The following GAB2 variants were observed in gnomAD, a reference collection of about 807,000 sequenced individuals.
GAB2 encodes GRB2-associated-binding protein 2.
A neutral mutation model predicts 65.5 loss-of-function variants in GAB2; 26 were observed. The ratio of observed to expected loss-of-function variants is 0.40; its 90% CI spans 0.29 to 0.55. The LOEUF is 0.55. GAB2 is among the 20% of genes least tolerant of loss of function. The pLI is 0.53. For missense variants in GAB2, 884 were observed against 875.8 expected (o/e 1.01, Z -0.12); for synonymous variants, 321 against 329.6 (o/e 0.97, Z 0.28).
At chr11:78,289,383 G>A (rs988905809) in intron 1 of GAB2, among the ~76,000 whole-genome samples, 3 of 152,240 alleles carry the variant, frequency 2.0e-5, no homozygotes, top group South Asian at 4.1e-4. Flanking sequence ...GGACTTAAAC[G>A]TAAAATGTAA....
intron 2 of GAB2, among the ~76,000 whole-genome samples, chr11:78,278,336 T>C (rs1183488263): frequency 6.6e-6 from 1 of 151,324 alleles, no homozygotes; most frequent in South Asian, 2.1e-4. Flanking sequence ...TCCCAAAGTG[T>C]TGGGCTTACA....
At chr11:78,332,578 G>A (rs1276792353) in intron 1 of GAB2, among the ~76,000 whole-genome samples, 2 of 152,178 alleles carry the variant, frequency 1.3e-5, no homozygotes, top group Non-Finnish European at 2.9e-5. Context: ...CTATGTTTAA[G>A]TGAATTTTGG....
At chr11:78,399,559 C>G (rs1292673257) in intron 1 of GAB2, among the ~76,000 whole-genome samples, 1 of 152,184 alleles carries the variant, frequency 6.6e-6, no homozygotes, top group African/African-American at 2.4e-5. Flanking sequence ...ATGAGACTGG[C>G]AGATCCTTGA....
chr11:78,229,510 C>T (rs1864777407), intron 3 of GAB2, among the ~76,000 whole-genome samples: 1 of 152,184 alleles, frequency 6.6e-6, no homozygotes, highest in Non-Finnish European at 1.5e-5. Context: ...GAACTCTTCT[C>T]CTCCTGCCTC....
chr11:78,316,378 C>A (rs1295171756), intron 1 of GAB2, among the ~76,000 whole-genome samples: 3 of 152,198 alleles, frequency 2.0e-5, no homozygotes, highest in African/African-American at 7.2e-5. Context: ...TTCTGTCCCT[C>A]TGGAGAACAC....
chr11:78,308,584 A>C (rs1855421166), intron 1 of GAB2, among the ~76,000 whole-genome samples: 1 of 152,252 alleles, frequency 6.6e-6, no homozygotes, highest in Non-Finnish European at 1.5e-5. Flanking sequence ...ACACAACATG[A>C]GTAAATTTTA....
chr11:78,356,956 G>A (rs1451161087), intron 1 of GAB2, among the ~76,000 whole-genome samples: 5 of 152,140 alleles, frequency 3.3e-5, no homozygotes, highest in African/African-American at 4.8e-5. Context: ...AATTCATAAG[G>A]ACAAAAAGTA....
chr11:78,357,571 A>G (rs548005187), intron 1 of GAB2, among the ~76,000 whole-genome samples: 1 of 152,214 alleles, frequency 6.6e-6, no homozygotes, highest in East Asian at 1.9e-4. Flanking sequence ...TTTACAAGAA[A>G]AAAACAAACA....
chr11:78,228,032 A>G (rs1864735783), intron 3 of GAB2, among the ~76,000 whole-genome samples: 1 of 152,182 alleles, frequency 6.6e-6, no homozygotes, highest in Non-Finnish European at 1.5e-5. Context: ...GCAAGCAGTA[A>G]AAAGAGAAGA....
At chr11:78,308,560 C>T (rs1262136353) in intron 1 of GAB2, among the ~76,000 whole-genome samples, 4 of 152,140 alleles carry the variant, frequency 2.6e-5, no homozygotes, top group Non-Finnish European at 5.9e-5. Flanking sequence ...TAAGAAAACA[C>T]AACCAAGCTA....
At chr11:78,270,775 G>C (rs1462443777) in intron 2 of GAB2, among the ~76,000 whole-genome samples, 1 of 152,218 alleles carries the variant, frequency 6.6e-6, no homozygotes, top group African/African-American at 2.4e-5. Flanking sequence ...CAAGGAAAAA[G>C]TGAAGTGAGC....
At position 78,250,182 on chromosome 11, in the gene GAB2, T is replaced by C. The variant is rs759580786; in HGVS notation, c.595A>G (p.Ile199Val). Residue 199 changes from isoleucine to valine, a missense_variant, in exon 3 of 10, where the codon ATA becomes GTA. By Grantham distance (29) the Ile-to-Val change is conservative. Transcript: ENST00000361507. ...CTTGCATTTTCTGCTCTTCGGCTTA[T>C]GCACTGGTGCAAGTAGAGATACTCC... ...PQEYLYLHQC[I>V]SRRAENARSA... The C allele has an allele frequency of 2.5e-6, 4 of 1,613,398 alleles. No homozygotes were observed. Among genetic ancestry groups the C allele is most frequent in the Non-Finnish European group, 3.4e-6 (4 of 1,179,954 alleles).
intron 2 of GAB2, among the ~76,000 whole-genome samples, chr11:78,261,067 G>GTA (rs889646192): frequency 6.6e-5 from 9 of 136,102 alleles, no homozygotes; most frequent in African/African-American, 2.3e-4. Flanking sequence ...ATGTATGTAT[G>GTA]TATATATATA....
chr11:78,235,246 G>A (rs1285298099), intron 3 of GAB2, among the ~76,000 whole-genome samples: 3 of 151,710 alleles, frequency 2.0e-5, no homozygotes, highest in Non-Finnish European at 4.4e-5. Flanking sequence ...TCCGCCTCCC[G>A]GGTTCACGCC....
At chr11:78,219,558 C>G (rs912880680) in intron 9 of GAB2, 143 bp from the exon 10 acceptor site, 13 of 719,790 alleles carry the variant, frequency 1.8e-5, no homozygotes, top group Non-Finnish European at 2.9e-5. Context: ...CCTCAGGAGC[C>G]TGGCTTCTCT....
At chr11:78,280,481 C>T (rs1193659183) in intron 2 of GAB2, 120 bp downstream of exon 2, 1 of 830,244 alleles carries the variant, frequency 1.2e-6, no homozygotes, top group African/African-American at 1.7e-5. Flanking sequence ...CACTCTTTAC[C>T]CTTTATCTAT....
chr11:78,314,010 T>C (rs1182662085), intron 1 of GAB2, among the ~76,000 whole-genome samples: 1 of 152,228 alleles, frequency 6.6e-6, no homozygotes, highest in African/African-American at 2.4e-5. Context: ...GTTCTAGTTC[T>C]AGCTGGGTTA....
chr11:78,282,950 C>A (rs895784378), intron 1 of GAB2, among the ~76,000 whole-genome samples: 1 of 152,140 alleles, frequency 6.6e-6, no homozygotes, highest in Non-Finnish European at 1.5e-5. Flanking sequence ...CCCAGCAAAC[C>A]CCAGCTAAGT....
At chr11:78,304,380 C>T (rs1478186370) in intron 1 of GAB2, among the ~76,000 whole-genome samples, 5 of 152,150 alleles carry the variant, frequency 3.3e-5, no homozygotes, top group African/African-American at 9.7e-5. Context: ...TTCTTCCATC[C>T]CCTGGCAATT....
Sources: gnomAD v4.1 joint callset for allele counts (sites outside exome capture counted in the v4.1 genomes callset) on GRCh38, gnomAD v4.1.1 for gene constraint, MANE v1.5 for transcripts, NCBI Gene and HGNC (gene_info 2026-07-23, HGNC 2026-07-21) for gene names.